Variants in CDHR3 observed in about 807,000 individuals in gnomAD.
CDHR3 encodes cadherin-related family member 3.
Under a neutral mutation model 86.6 loss-of-function variants are expected in CDHR3, and 79 were observed. The observed-to-expected ratio is 0.91, with a 90% CI of 0.76 to 1.10. The LOEUF is 1.10. CDHR3 is among the 50% of genes least tolerant of loss of function. The probability of loss-of-function intolerance (pLI) is 0.00; values close to 1 mark genes in which losing one functional copy is unlikely to be tolerated. For missense variants in CDHR3, 1,081 were observed against 1,077.6 expected (o/e 1.00, Z -0.04); for synonymous variants, 421 against 402.4 (o/e 1.05, Z -0.55).
At chr7:105,971,179 A>G (rs1281044439) in intron 1 of CDHR3, among the ~76,000 whole-genome samples, 2 of 151,022 alleles carry the variant, frequency 1.3e-5, no homozygotes, top group African/African-American at 2.4e-5. Context: ...AGGACTGCCT[A>G]GGTCTGCCTC....
At chr7:106,005,484 T>C (rs1833823880) in intron 8 of CDHR3, among the ~76,000 whole-genome samples, 1 of 152,202 alleles carries the variant, frequency 6.6e-6, no homozygotes. Flanking sequence ...AGAGGGCTCT[T>C]TGGGAGGAAT....
intron 3 of CDHR3, among the ~76,000 whole-genome samples, chr7:105,982,356 C>G (rs1366095159): frequency 6.6e-5 from 10 of 150,670 alleles, no homozygotes; most frequent in Middle Eastern, 3.4e-3. Flanking sequence ...GTAGTCCCAG[C>G]TACTCAGGAG....
At chr7:106,031,418 C>T (rs570717571) in intron 18 of CDHR3, among the ~76,000 whole-genome samples, 5 of 152,320 alleles carry the variant, frequency 3.3e-5, no homozygotes, top group Admixed American at 6.5e-5. Context: ...ACACTCATCC[C>T]TCTGCTTACA....
intron 8 of CDHR3, among the ~76,000 whole-genome samples, chr7:106,011,980 C>T (rs1175999986): frequency 6.6e-6 from 1 of 152,220 alleles, no homozygotes; most frequent in Non-Finnish European, 1.5e-5. Flanking sequence ...AAGGAATTCT[C>T]AATCTTCAAA....
chr7:106,030,384 G>T lies in CDHR3; in HGVS notation c.2305-408G>T, dbSNP rs1169938159. 6.6e-6 allele frequency among the ~76,000 whole-genome samples: 1 copy of T among 152,216 alleles called. No individual in the cohort carries two copies. The highest frequency in any genetic ancestry group is 1.5e-5 in the Non-Finnish European group (1 of 68,038). ...GCTCACCTGTGTCCACCTTGACAAT[G>T]CCTGACAGCAATTCACTGACACAAC... On this transcript the variant is annotated intron_variant, in intron 17 of 18. Transcript: ENST00000317716. This position sits in a 1 kb window ranked among gnomAD's most constrained non-coding sequence, Gnocchi z 4.8.
At chr7:105,978,984 C>T (rs1217067536) in intron 2 of CDHR3, among the ~76,000 whole-genome samples, 1 of 152,138 alleles carries the variant, frequency 6.6e-6, no homozygotes, top group Non-Finnish European at 1.5e-5. Context: ...AGGGGATCAT[C>T]TCAACAGAAG....
At chr7:105,966,750 C>T (rs1000616657) in intron 1 of CDHR3, among the ~76,000 whole-genome samples, 1 of 152,192 alleles carries the variant, frequency 6.6e-6, no homozygotes, top group African/African-American at 2.4e-5. Flanking sequence ...ACCCCCAGTG[C>T]AAGCAGTCAG....
intron 9 of CDHR3, 108 bp downstream of exon 9, chr7:106,013,139 G>C: frequency 1.0e-6 from 1 of 984,604 alleles, no homozygotes; most frequent in Non-Finnish European, 1.5e-6. Flanking sequence ...CCCCCTCTCA[G>C]AGCGACTGTA....
At chr7:106,029,911 A>C (rs1489754020) in intron 17 of CDHR3, among the ~76,000 whole-genome samples, 3 of 152,196 alleles carry the variant, frequency 2.0e-5, no homozygotes, top group African/African-American at 7.2e-5. Context: ...ATATTAAATT[A>C]GTCTATTAAA....
At chr7:105,977,109 C>T (rs1390785558) in intron 2 of CDHR3, among the ~76,000 whole-genome samples, 1 of 151,970 alleles carries the variant, frequency 6.6e-6, no homozygotes, top group African/African-American at 2.4e-5. Flanking sequence ...TGCACCACCA[C>T]ACGTGGTTTC....
In CDHR3 at chr7:105,963,287, GC is replaced by G. The variant is rs1563216793; in HGVS notation, c.-31del. On this transcript the variant is annotated 5_prime_UTR_variant, in exon 1 of 19. It removes the in-frame stop codon of an upstream open reading frame in the 5' UTR. Coordinates refer to ENST00000317716, the MANE Select transcript of CDHR3 (RefSeq NM_152750.5). ...ACGGGATTCAGGCTGTGGCTAATGTGCTGGAAGCACGCACAGTTGTGACCAT... is the reference window on the plus strand; with the variant it reads ...ACGGGATTCAGGCTGTGGCTAATGTGTGGAAGCACGCACAGTTGTGACCAT... 1 of 1,612,538 alleles carries G rather than the reference GC, an allele frequency of 6.2e-7. No homozygotes were observed. The highest frequency in any genetic ancestry group is 8.5e-7 in the Non-Finnish European group (1 of 1,178,616).
rs183948003 is a variant in CDHR3, at chr7:105,966,810, T to G, written c.46+3446T>G. ...TCGCCTCCATGTAGTTGGAAGAGAT[T>G]TGAAAGAAACAAGCCTTTCTCAGGC... On this transcript the variant is annotated intron_variant, in intron 1 of 18. Coordinates refer to ENST00000317716, the MANE Select transcript of CDHR3 (RefSeq NM_152750.5). 1.5e-3 allele frequency among the ~76,000 whole-genome samples: 229 copies of G among 152,286 alleles called. 1 individual carries two copies. The highest frequency in any genetic ancestry group is 6.8e-3 in the Middle Eastern group (2 of 294).
chr7:105,994,993 C>T, intron 5 of CDHR3, 148 bp downstream of exon 5: 2 of 649,778 alleles, frequency 3.1e-6, no homozygotes, highest in Non-Finnish European at 5.4e-6. Flanking sequence ...TGGTAGTGAA[C>T]CCCAGAGAGG....
chr7:105,998,168 C>T (rs1425703055), intron 6 of CDHR3, among the ~76,000 whole-genome samples: 1 of 152,154 alleles, frequency 6.6e-6, no homozygotes, highest in Non-Finnish European at 1.5e-5. Context: ...TTCATGGTTC[C>T]CTTGAGCTTC....
chr7:105,994,161 T>C (rs1436177926), intron 4 of CDHR3, among the ~76,000 whole-genome samples: 1 of 152,170 alleles, frequency 6.6e-6, no homozygotes, highest in African/African-American at 2.4e-5. Flanking sequence ...ATATTGTAAG[T>C]TGTTTTTAAG....
Position 106,032,523 on chromosome 7 carries a change from A to C in CDHR3, c.2484A>C (p.Glu828Asp). The C allele has an allele frequency of 6.2e-7, 1 of 1,613,996 alleles. No homozygotes were observed. The highest frequency in any genetic ancestry group is 8.5e-7 in the Non-Finnish European group (1 of 1,179,866). The change falls in exon 19 of 19, where the codon GAA (glutamate) becomes GAC (aspartate). Residue 828 changes from glutamate (E) to aspartate (D), a missense_variant. Physicochemically the swap from Glu to Asp is conservative, Grantham distance 45. Transcript: ENST00000317716. ...GAAPRRVTAG[E>D]GMGSLRSANW... Reference sequence around the variant, plus strand: ...CCCCACGCAGAGTCACTGCTGGGGAAGGGATGGGGTCACTGAGAAGTGCCA... The same window carrying C: ...CCCCACGCAGAGTCACTGCTGGGGACGGGATGGGGTCACTGAGAAGTGCCA...
At chr7:105,978,621 T>C (rs1463386302) in intron 2 of CDHR3, among the ~76,000 whole-genome samples, 2 of 152,048 alleles carry the variant, frequency 1.3e-5, no homozygotes, top group Admixed American at 6.6e-5. Flanking sequence ...TGGAGGAAGT[T>C]TTACCAACCT....
At chr7:105,990,661 G>A (rs1455037751) in intron 4 of CDHR3, among the ~76,000 whole-genome samples, 2 of 152,150 alleles carry the variant, frequency 1.3e-5, no homozygotes, top group Non-Finnish European at 2.9e-5. Context: ...CTCAGCCTGC[G>A]GTGGCCTGGT....
intron 8 of CDHR3, among the ~76,000 whole-genome samples, chr7:106,007,983 C>T (rs1027579744): frequency 4.6e-5 from 7 of 152,118 alleles, no homozygotes; most frequent in African/African-American, 1.7e-4. Context: ...TGGCAGAAGG[C>T]AAGGAGGAGC....
Sources: allele counts gnomAD v4.1 joint callset (sites outside exome capture counted in the v4.1 genomes callset), GRCh38; gene constraint gnomAD v4.1.1; non-coding constraint Gnocchi (gnomAD v3.1); transcripts MANE v1.5; gene names NCBI Gene and HGNC (gene_info 2026-07-23, HGNC 2026-07-21).